Variants in DOCK1 observed in about 807,000 individuals in gnomAD.
The protein encoded by DOCK1 is dedicator of cytokinesis protein 1.
A neutral mutation model predicts 262.7 loss-of-function variants in DOCK1; 138 were observed. The ratio of observed to expected loss-of-function variants is 0.53; its 90% CI spans 0.46 to 0.61. The LOEUF (loss-of-function observed/expected upper bound fraction) is 0.61, where lower values mean the gene tolerates loss of function less well. DOCK1 is among the 20% of genes least tolerant of loss of function. The pLI is 0.00. For missense variants in DOCK1, 1,908 were observed against 2,370.7 expected, an observed-to-expected ratio of 0.80 and a Z score of 4.05; for synonymous variants, 866 against 867.4, an observed-to-expected ratio of 1.00 and a Z score of 0.03.
chr10:127,409,970 C>G (rs946071045), intron 42 of DOCK1, among the ~76,000 whole-genome samples: 1 of 152,150 alleles, frequency 6.6e-6, no homozygotes, highest in African/African-American at 2.4e-5. Context: ...TCGCACCTGA[C>G]TTAGCAATGG....
chr10:127,388,381 C>G (rs936303974), intron 38 of DOCK1, among the ~76,000 whole-genome samples: 6 of 152,094 alleles, frequency 3.9e-5, no homozygotes, highest in Admixed American at 6.5e-5. Flanking sequence ...CCTCCTTATC[C>G]CTCTAAAACT....
chr10:127,444,566 C>T lies in DOCK1; in HGVS notation c.5413+287C>T, dbSNP rs151106940. 5.5e-3 allele frequency among the ~76,000 whole-genome samples: 841 copies of T among 152,270 alleles called. 14 individuals are homozygous for T. The highest frequency in any genetic ancestry group is 0.019 in the African/African-American group (786 of 41,550). On this transcript the variant is annotated intron_variant, in intron 50 of 51. Coordinates refer to ENST00000623213, the MANE Select transcript of DOCK1 (RefSeq NM_001290223.2). ...GGACCTGTGAAGCACGTGGAACCACCACACTTTCTATCCCAGGACGCAGAG... is the reference window on the plus strand; with the variant it reads ...GGACCTGTGAAGCACGTGGAACCACTACACTTTCTATCCCAGGACGCAGAG...
rs1253457147 is a variant in DOCK1, at chr10:127,175,994, A to G, written c.2847+48230A>G. Reference sequence around the variant, plus strand: ...ACCCATTGTTTTGGCTTTTAAAGGGATCTGCAGCTGGGAGGCTTTTGAGGT... The same window carrying G: ...ACCCATTGTTTTGGCTTTTAAAGGGGTCTGCAGCTGGGAGGCTTTTGAGGT... On this transcript the variant is annotated intron_variant, in intron 27 of 51. Coordinates refer to ENST00000623213, the MANE Select transcript of DOCK1 (RefSeq NM_001290223.2). This position sits in a 1 kb window ranked among gnomAD's most constrained non-coding sequence, Gnocchi z 6.3. 1 of 1,614,076 alleles carries G rather than the reference A, an allele frequency of 6.2e-7. No homozygotes were observed. The highest frequency in any genetic ancestry group is 8.5e-7 in the Non-Finnish European group (1 of 1,180,030).
In DOCK1 at chr10:127,175,537, C is replaced by G. The variant is rs149479141; in HGVS notation, c.2847+47773C>G. ...TTGAGATGTGTGGCTCTCCTCCGCT[C>G]GTCATCTGCCGGGCAGAGTGACCAC... On this transcript the variant is annotated intron_variant, in intron 27 of 51. Coordinates refer to ENST00000623213, the MANE Select transcript of DOCK1 (RefSeq NM_001290223.2). The surrounding 1 kb of genome is among the most constrained non-coding windows in gnomAD (Gnocchi z 6.3). 210 of 1,610,504 alleles carry G rather than the reference C, an allele frequency of 1.3e-4. No individual in the cohort carries two copies. Among genetic ancestry groups the G allele is most frequent in the Non-Finnish European group, 1.7e-4 (201 of 1,180,018 alleles).
intron 31 of DOCK1, among the ~76,000 whole-genome samples, chr10:127,354,447 G>T (rs1327092795): frequency 6.6e-6 from 1 of 152,186 alleles, no homozygotes; most frequent in Non-Finnish European, 1.5e-5. Flanking sequence ...TTCCCACCGG[G>T]GGGAAGATGT....
intron 27 of DOCK1, among the ~76,000 whole-genome samples, chr10:127,211,712 G>A (rs558698266): frequency 1.3e-5 from 2 of 152,294 alleles, no homozygotes; most frequent in South Asian, 2.1e-4. Flanking sequence ...AATAACGCAT[G>A]TACCTGGTGA....
chr10:127,165,501 G>T (rs2053993737), intron 27 of DOCK1, among the ~76,000 whole-genome samples: 1 of 152,146 alleles, frequency 6.6e-6, no homozygotes, highest in African/African-American at 2.4e-5. Context: ...TTGGTTGAAG[G>T]ATGCTCGTTG....
intron 29 of DOCK1, among the ~76,000 whole-genome samples, chr10:127,329,879 A>G (rs1042579802): frequency 5.9e-5 from 9 of 152,038 alleles, no homozygotes; most frequent in Non-Finnish European, 1.0e-4. Flanking sequence ...CTGAAATTAG[A>G]CTGTTAGTGA....
intron 1 of DOCK1, among the ~76,000 whole-genome samples, chr10:126,942,610 C>G (rs1026863569): frequency 1.3e-5 from 2 of 151,962 alleles, no homozygotes; most frequent in Non-Finnish European, 1.5e-5. Context: ...CCGAGGGAGC[C>G]GAGCCAGCCC....
At chr10:127,255,379 G>A (rs1216896722) in intron 28 of DOCK1, among the ~76,000 whole-genome samples, 1 of 152,154 alleles carries the variant, frequency 6.6e-6, no homozygotes, top group Non-Finnish European at 1.5e-5. Context: ...CAGCCTGGGT[G>A]AGGGAATGAA....
rs144323735 is a variant in DOCK1 at position 127,337,697 on chromosome 10, C to T, written c.3045-1309C>T. On this transcript the variant is annotated intron_variant, in intron 29 of 51. Coordinates refer to ENST00000623213, the MANE Select transcript of DOCK1 (RefSeq NM_001290223.2). ...CCTTTCTGGTTATATTTTAATGTCC[C>T]CGGGGAAGAAGTCAAATAACTCCAC... 1.2e-4 allele frequency among the ~76,000 whole-genome samples: 18 copies of T among 152,274 alleles called. No homozygotes were observed. The East Asian group carries it at 3.1e-3, about 26-fold the overall frequency.
chr10:127,117,268 T>A (rs2049244926), intron 25 of DOCK1, among the ~76,000 whole-genome samples: 1 of 152,196 alleles, frequency 6.6e-6, no homozygotes, highest in Non-Finnish European at 1.5e-5. Flanking sequence ...AAAGAGTGAT[T>A]ATCTCAATGC....
intron 23 of DOCK1, among the ~76,000 whole-genome samples, chr10:127,090,841 G>A (rs2047478888): frequency 6.6e-6 from 1 of 152,132 alleles, no homozygotes; most frequent in South Asian, 2.1e-4. Flanking sequence ...TCATGGCTCG[G>A]TAGTATTCCA....
intron 5 of DOCK1, 91 bp from the exon 6 acceptor site, chr10:126,990,364 T>C: frequency 1.5e-6 from 2 of 1,320,350 alleles, no homozygotes; most frequent in Non-Finnish European, 2.1e-6. Context: ...TGCTTATACC[T>C]CATGCGTATT....
rs1408987922 is a variant in DOCK1 at position 127,416,240 on chromosome 10, C to T, written c.4515+1002C>T. ...TCTGCTCTGGAGTTCCCTTTCTGTG[C>T]CCCTAGCAGCCAGGCAGTGCCTGAC... On this transcript the variant is annotated intron_variant, in intron 44 of 51. Coordinates refer to ENST00000623213, the MANE Select transcript of DOCK1 (RefSeq NM_001290223.2). Among the ~76,000 whole-genome samples, 4 of 152,222 alleles carry T rather than the reference C, an allele frequency of 2.6e-5. No homozygotes were observed. The East Asian group carries it at 7.7e-4, about 29-fold the overall frequency.
chr10:127,098,533 C>T (rs1277974687), intron 23 of DOCK1, among the ~76,000 whole-genome samples: 1 of 152,130 alleles, frequency 6.6e-6, no homozygotes, highest in South Asian at 2.1e-4. Flanking sequence ...TCTCCCACAG[C>T]CCCTTGAGGC....
chr10:126,929,519 C>T (rs1484617008), intron 1 of DOCK1, among the ~76,000 whole-genome samples: 1 of 151,962 alleles, frequency 6.6e-6, no homozygotes, highest in African/African-American at 2.4e-5. Flanking sequence ...CAAGGAGGCT[C>T]CTGGCGAGCC....
chr10:127,292,618 T>C (rs2061383140), intron 29 of DOCK1, among the ~76,000 whole-genome samples: 1 of 152,180 alleles, frequency 6.6e-6, no homozygotes, highest in Non-Finnish European at 1.5e-5. Context: ...ATCATTACTC[T>C]CTGTGACTCC....
chr10:126,991,126 A>C (rs2039753265), intron 6 of DOCK1, among the ~76,000 whole-genome samples: 1 of 152,338 alleles, frequency 6.6e-6, no homozygotes, highest in East Asian at 1.9e-4. Context: ...TGCTTTGTGC[A>C]GTTATGTCTC....
Sources: allele counts gnomAD v4.1 joint callset (sites outside exome capture counted in the v4.1 genomes callset), GRCh38; gene constraint gnomAD v4.1.1; non-coding constraint Gnocchi (gnomAD v3.1); transcripts MANE v1.5; gene names NCBI Gene and HGNC (gene_info 2026-07-23, HGNC 2026-07-21).